Variants in DAB1 observed in about 807,000 individuals in gnomAD.
DAB1 encodes DAB adaptor protein 1.
Under a neutral mutation model 64.6 loss-of-function variants are expected in DAB1, and 15 were observed. The observed-to-expected ratio is 0.23, with a 90% confidence interval of 0.16 to 0.36. The LOEUF (loss-of-function observed/expected upper bound fraction) is 0.36. DAB1 is among the 10% of genes least tolerant of loss of function. The probability of loss-of-function intolerance (pLI) is 1.00; values close to 1 mark genes in which losing one functional copy is unlikely to be tolerated. For missense variants in DAB1, 596 were observed against 706.7 expected (o/e 0.84, Z 1.78); for synonymous variants, 235 against 251.9 (o/e 0.93, Z 0.64).
chr1:58,544,915 T>A (rs1473858916), intron 1 of DAB1, among the ~76,000 whole-genome samples: 2 of 152,152 alleles, frequency 1.3e-5, no homozygotes, highest in African/African-American at 4.8e-5. Context: ...TTTTTTAATT[T>A]TTTTCTGTAG....
intron 4 of DAB1, among the ~76,000 whole-genome samples, chr1:58,155,720 C>T (rs1655186816): frequency 6.6e-6 from 1 of 152,228 alleles, no homozygotes; most frequent in African/African-American, 2.4e-5. Flanking sequence ...ACAGGAATGG[C>T]ATTTGAGAGA....
At chr1:58,335,926 A>G (rs774609911) in intron 4 of DAB1, among the ~76,000 whole-genome samples, 6 of 152,210 alleles carry the variant, frequency 3.9e-5, no homozygotes, top group Non-Finnish European at 7.3e-5. Context: ...GGTGCTTCAC[A>G]TCTGAATGAA....
At chr1:57,248,736 C>T (rs535921201) in intron 2 of DAB1, among the ~76,000 whole-genome samples, 1 of 152,324 alleles carries the variant, frequency 6.6e-6, no homozygotes, top group South Asian at 2.1e-4. Flanking sequence ...GGAAGGTCTC[C>T]TATGCCCACA....
At chr1:57,033,608 T>TGA in intron 9 of DAB1, 2 of 1,579,418 alleles carry the variant, frequency 1.3e-6, no homozygotes, top group Non-Finnish European at 1.7e-6. Flanking sequence ...GAGGATGAAG[T>TGA]GAATGACACA....
At chr1:57,373,763 C>T (rs966029666) in intron 1 of DAB1, among the ~76,000 whole-genome samples, 4 of 152,094 alleles carry the variant, frequency 2.6e-5, no homozygotes, top group African/African-American at 4.8e-5. Context: ...TCTCGCGCCA[C>T]GGGTATAGGC....
At chr1:58,409,709 T>C (rs532472519) in intron 3 of DAB1, among the ~76,000 whole-genome samples, 4 of 152,178 alleles carry the variant, frequency 2.6e-5, no homozygotes, top group Non-Finnish European at 5.9e-5. Context: ...CATGGAGTTA[T>C]ATGATCATTA....
intron 12 of DAB1, among the ~76,000 whole-genome samples, chr1:57,011,703 G>A (rs762573829): frequency 6.6e-6 from 1 of 152,184 alleles, no homozygotes; most frequent in Non-Finnish European, 1.5e-5. Context: ...TTCATCAGAG[G>A]GCACGTTATT....
At chr1:57,453,724 G>A (rs1438495979) in intron 7 of DAB1, among the ~76,000 whole-genome samples, 7 of 152,112 alleles carry the variant, frequency 4.6e-5, no homozygotes, top group Non-Finnish European at 1.0e-4. Context: ...TAATCACATT[G>A]TATATGAATT....
intron 7 of DAB1, among the ~76,000 whole-genome samples, chr1:57,563,605 T>A (rs180912164): frequency 1.8e-4 from 27 of 152,272 alleles, no homozygotes; most frequent in African/African-American, 6.3e-4. Flanking sequence ...ACTGTGCTTT[T>A]CCAACGGTCT....
intron 2 of DAB1, among the ~76,000 whole-genome samples, chr1:57,280,252 T>C (rs1671781165): frequency 6.6e-6 from 1 of 152,224 alleles, no homozygotes. Flanking sequence ...TGGTTCCTCC[T>C]TCACCTCTGC....
At chr1:57,457,322 A>G (rs1686635154) in intron 7 of DAB1, among the ~76,000 whole-genome samples, 1 of 152,180 alleles carries the variant, frequency 6.6e-6, no homozygotes, top group South Asian at 2.1e-4. Context: ...CCAGCATGGC[A>G]GTGGACAGAA....
chr1:58,025,564 A>G (rs1646877500), intron 5 of DAB1, among the ~76,000 whole-genome samples: 1 of 147,510 alleles, frequency 6.8e-6, no homozygotes, highest in Non-Finnish European at 1.5e-5. Context: ...ATATATAGAG[A>G]GAGAGCCTTT....
At chr1:58,360,708 C>CA (rs11384850) in intron 3 of DAB1, among the ~76,000 whole-genome samples, 12,685 of 152,098 alleles carry the variant, frequency 0.083, 604 homozygotes, top group East Asian at 0.22. Context: ...TGCAGAAAGT[C>CA]AAATACTGCG....
intron 5 of DAB1, among the ~76,000 whole-genome samples, chr1:58,134,563 G>A (rs939436984): frequency 6.6e-6 from 1 of 152,118 alleles, no homozygotes; most frequent in Non-Finnish European, 1.5e-5. Context: ...AGGCTGTACA[G>A]GCGTCTTCTT....
chr1:57,092,045 C>A (rs1445001682), intron 4 of DAB1, among the ~76,000 whole-genome samples: 1 of 152,182 alleles, frequency 6.6e-6, no homozygotes, highest in Non-Finnish European at 1.5e-5. Context: ...GGATTAGATG[C>A]AGAAAAGGAC....
intron 1 of DAB1, among the ~76,000 whole-genome samples, chr1:57,844,386 C>A (rs1224636103): frequency 6.6e-6 from 1 of 152,174 alleles, no homozygotes; most frequent in Non-Finnish European, 1.5e-5. Flanking sequence ...CAGAAGAATT[C>A]CTTTAAGAGA....
chr1:57,295,174 T>A (rs1014469066), intron 1 of DAB1, among the ~76,000 whole-genome samples: 1 of 152,152 alleles, frequency 6.6e-6, no homozygotes, highest in East Asian at 1.9e-4. Context: ...CACAACATCA[T>A]GACTATAATA....
chr1:57,506,229 T>A (rs776068792), intron 7 of DAB1, among the ~76,000 whole-genome samples: 18 of 152,276 alleles, frequency 1.2e-4, no homozygotes, highest in Non-Finnish European at 2.4e-4. Context: ...ACTTTTTTTT[T>A]AAACATCAAT....
At chr1:57,685,842 A>G (rs905371633) in intron 6 of DAB1, among the ~76,000 whole-genome samples, 1 of 152,208 alleles carries the variant, frequency 6.6e-6, no homozygotes, top group African/African-American at 2.4e-5. Context: ...GGCAGAAATA[A>G]AAAAATTGTT....
Sources: allele counts gnomAD v4.1 joint callset (sites outside exome capture counted in the v4.1 genomes callset), GRCh38; gene constraint gnomAD v4.1.1; transcripts MANE v1.5; gene names NCBI Gene and HGNC (gene_info 2026-07-23, HGNC 2026-07-21).